The following MRPL1 variants were observed in gnomAD, a reference collection of about 807,000 sequenced individuals.
MRPL1 encodes the protein large ribosomal subunit protein uL1m.
In MRPL1, 28 loss-of-function variants were observed where a neutral mutation model predicts 38.0. The ratio of observed to expected loss-of-function variants is 0.74; its 90% CI spans 0.55 to 1.01. MRPL1 has a LOEUF of 1.01. MRPL1 is among the 50% of genes least tolerant of loss of function. The pLI, the probability that MRPL1 is intolerant of heterozygous loss-of-function variation, is 0.00. For synonymous variants in MRPL1, 123 were observed against 126.7 expected, an observed-to-expected ratio of 0.97 and a Z score of 0.20; for missense variants, 358 against 389.8, an observed-to-expected ratio of 0.92 and a Z score of 0.69.
intron 7 of MRPL1, among the ~76,000 whole-genome samples, chr4:77,939,796 G>C (rs1221161316): frequency 6.6e-6 from 1 of 152,024 alleles, no homozygotes. Context: ...TGTTGAATAG[G>C]GTGTCCTTTC....
At chr4:77,919,748 T>C (rs1181302542) in intron 7 of MRPL1, among the ~76,000 whole-genome samples, 2 of 152,012 alleles carry the variant, frequency 1.3e-5, no homozygotes, top group African/African-American at 4.8e-5. Context: ...AATACCATAA[T>C]AAATTACATA....
chr4:77,889,883 A>G (rs912915133), intron 5 of MRPL1, among the ~76,000 whole-genome samples: 6 of 152,224 alleles, frequency 3.9e-5, no homozygotes, highest in African/African-American at 1.4e-4. Context: ...AATCTAGAAG[A>G]AATGGATAAA....
At chr4:77,942,051 CA>C (rs1445286558) in intron 7 of MRPL1, among the ~76,000 whole-genome samples, 1 of 152,072 alleles carries the variant, frequency 6.6e-6, no homozygotes, top group African/African-American at 2.4e-5. Context: ...TACTGAATCC[CA>C]AAGATTTTGA....
At chr4:77,943,720 G>A (rs1440965681) in intron 7 of MRPL1, among the ~76,000 whole-genome samples, 1 of 151,990 alleles carries the variant, frequency 6.6e-6, no homozygotes, top group Non-Finnish European at 1.5e-5. Flanking sequence ...ATTTCCGGAA[G>A]TTTTGATTAT....
At chr4:77,937,515 T>C (rs569081124) in intron 7 of MRPL1, among the ~76,000 whole-genome samples, 1 of 152,276 alleles carries the variant, frequency 6.6e-6, no homozygotes, top group South Asian at 2.1e-4. Context: ...TCCCCGCCCA[T>C]ATTTGTGGTC....
At chr4:77,933,028 T>C (rs1675889873) in intron 7 of MRPL1, among the ~76,000 whole-genome samples, 1 of 152,202 alleles carries the variant, frequency 6.6e-6, no homozygotes, top group Admixed American at 6.5e-5. Flanking sequence ...CATAGCTCAC[T>C]GTAACTTCAA....
At chr4:77,941,382 T>C (rs752535036) in intron 7 of MRPL1, among the ~76,000 whole-genome samples, 2 of 152,242 alleles carry the variant, frequency 1.3e-5, no homozygotes, top group African/African-American at 2.4e-5. Flanking sequence ...ATTGGCTTCA[T>C]AGAACAATTT....
intron 2 of MRPL1, 126 bp downstream of exon 2, chr4:77,871,981 G>A (rs191197351): frequency 2.6e-4 from 170 of 654,852 alleles, no homozygotes; most frequent in Admixed American, 9.5e-4. Flanking sequence ...CTGCTTCATC[G>A]ACCTTATAGT....
At chr4:77,892,800 G>A (rs974434326) in intron 5 of MRPL1, among the ~76,000 whole-genome samples, 2 of 152,162 alleles carry the variant, frequency 1.3e-5, no homozygotes, top group African/African-American at 2.4e-5. Flanking sequence ...CCTCTTAGGT[G>A]TGTACAGACT....
intron 7 of MRPL1, among the ~76,000 whole-genome samples, chr4:77,913,891 T>C (rs1736353923): frequency 6.6e-6 from 1 of 152,226 alleles, no homozygotes; most frequent in Non-Finnish European, 1.5e-5. Context: ...TCTTTTTGTA[T>C]AAAATTCTGG....
intron 2 of MRPL1, among the ~76,000 whole-genome samples, chr4:77,879,378 T>C (rs1735485856): frequency 6.6e-6 from 1 of 152,218 alleles, no homozygotes; most frequent in East Asian, 1.9e-4. Flanking sequence ...ATAAATATTT[T>C]CACTCAACCA....
intron 2 of MRPL1, among the ~76,000 whole-genome samples, chr4:77,873,505 A>G (rs1360755230): frequency 1.3e-5 from 2 of 152,242 alleles, no homozygotes; most frequent in Non-Finnish European, 2.9e-5. Flanking sequence ...GTTATGGGAT[A>G]CCCAAAATGA....
intron 7 of MRPL1, 39 bp downstream of exon 7, chr4:77,909,411 T>C (rs1274656006): frequency 2.9e-5 from 37 of 1,274,960 alleles, no homozygotes; most frequent in Non-Finnish European, 4.0e-5. Flanking sequence ...TCCTCTTTTT[T>C]TGTTGTTCAA....
intron 7 of MRPL1, among the ~76,000 whole-genome samples, chr4:77,926,729 C>A (rs1292635640): frequency 6.6e-5 from 10 of 151,404 alleles, no homozygotes; most frequent in African/African-American, 2.2e-4. Context: ...TTGCCTCAGT[C>A]TCCTGTTTAG....
chr4:77,870,603 G>A (rs1407421950), intron 1 of MRPL1, among the ~76,000 whole-genome samples: 2 of 152,130 alleles, frequency 1.3e-5, no homozygotes, highest in Non-Finnish European at 2.9e-5. Flanking sequence ...AGTGATTAGA[G>A]TATGCTACCA....
chr4:77,866,905 G>A (rs1470754240), intron 1 of MRPL1, among the ~76,000 whole-genome samples: 1 of 151,738 alleles, frequency 6.6e-6, no homozygotes, highest in Non-Finnish European at 1.5e-5. Context: ...CTGTCACAAC[G>A]GCCAGCTAAT....
chr4:77,872,122 C>T (rs1005379628), intron 2 of MRPL1, among the ~76,000 whole-genome samples: 11 of 152,038 alleles, frequency 7.2e-5, no homozygotes, highest in African/African-American at 2.2e-4. Flanking sequence ...AGAAGAAAAT[C>T]GAGGCACTGG....
rs1735059756 is a variant in MRPL1, at chr4:77,863,756, T to G, written c.31+877T>G. 2.6e-5 allele frequency among the ~76,000 whole-genome samples: 4 copies of G among 152,164 alleles called. No individual in the cohort carries two copies. In the South Asian group the frequency reaches 8.3e-4, roughly 32 times the overall value. On this transcript the variant is annotated intron_variant, in intron 1 of 8. Transcript: ENST00000315567. ...TGCTGGGATTACAGGCGTGAGGCACTGCGCCCGGCCTGTGCAACGCTTTTT... is the reference window on the plus strand; with the variant it reads ...TGCTGGGATTACAGGCGTGAGGCACGGCGCCCGGCCTGTGCAACGCTTTTT...
intron 4 of MRPL1, 57 bp downstream of exon 4, chr4:77,885,396 C>A: frequency 7.4e-7 from 1 of 1,356,194 alleles, no homozygotes; most frequent in South Asian, 1.2e-5. Context: ...GAGACGGAGT[C>A]TCACTCTGTC....
Sources: gnomAD v4.1 joint callset for allele counts (sites outside exome capture counted in the v4.1 genomes callset) on GRCh38, gnomAD v4.1.1 for gene constraint, MANE v1.5 for transcripts, NCBI Gene and HGNC (gene_info 2026-07-23, HGNC 2026-07-21) for gene names.